The following SNRNP40 variants were observed in gnomAD, a reference collection of about 807,000 sequenced individuals.
SNRNP40 encodes U5 small nuclear ribonucleoprotein 40 kDa protein.
A neutral mutation model predicts 45.8 loss-of-function variants in SNRNP40; 21 were observed. The ratio of observed to expected loss-of-function variants is 0.46; its 90% confidence interval spans 0.32 to 0.66. The LOEUF (loss-of-function observed/expected upper bound fraction) is 0.66. Among genes scored for constraint, SNRNP40 ranks in the 30% least tolerant of loss-of-function variants. The pLI is 0.03. For synonymous variants in SNRNP40, 142 were observed against 163.8 expected (o/e 0.87, Z 1.01); for missense variants, 344 against 439.1 (o/e 0.78, Z 1.94).
chr1:31,268,969 A>G (rs3737756), intron 7 of SNRNP40, among the ~76,000 whole-genome samples, 189 bp downstream of exon 7: 118,067 of 152,122 alleles, frequency 0.78, 46,190 homozygotes, highest in African/African-American at 0.81. Context: ...TTTGGGCTAT[A>G]TGACTGGCTT....
chr1:31,289,317 G>A lies in SNRNP40; in HGVS notation c.468C>T (p.Ser156=). 1 of 1,614,014 alleles carries A rather than the reference G, an allele frequency of 6.2e-7. No homozygotes were observed. The highest frequency in any genetic ancestry group is 8.5e-7 in the Non-Finnish European group (1 of 1,179,886). The change falls in exon 4 of 10, where the codon TCC becomes TCT. Residue 156 remains serine, a synonymous_variant. Transcript: ENST00000263694. ...GAGGGCCTCTCCTGGCTGGATAACA[G>A]GAATTCACAAAGGAAGTATGTCCCT... ...RLKGHTSFVN[S]CYPARRGPQL...
intron 6 of SNRNP40, 168 bp from the exon 7 acceptor site, chr1:31,269,408 C>A: frequency 7.3e-7 from 1 of 1,375,500 alleles, no homozygotes; most frequent in South Asian, 1.8e-5. Context: ...TTTTCTTTTT[C>A]AAGCAGGAAA....
At chr1:31,293,116 T>C (rs1646118368) in intron 2 of SNRNP40, 103 bp downstream of exon 2, 4 of 1,273,824 alleles carry the variant, frequency 3.1e-6, no homozygotes, top group Admixed American at 2.0e-5. Context: ...CAGCCTGTTA[T>C]GTTGCCAACA....
chr1:31,287,634 A>T lies in SNRNP40; in HGVS notation c.531+1620T>A, dbSNP rs1646068828. Among the ~76,000 whole-genome samples, 3 of 152,306 alleles carry T rather than the reference A, an allele frequency of 2.0e-5. No homozygotes were observed. The South Asian group carries it at 6.2e-4, about 32-fold the overall frequency. ...GAGCTCTGGTTTAGAAACCAATCTT[A>T]AACAACAGACTCTCCTCCCATCCAA... On this transcript the variant is annotated intron_variant, in intron 4 of 9. Coordinates refer to ENST00000263694, the MANE Select transcript of SNRNP40 (RefSeq NM_004814.3).
chr1:31,261,449 C>T, intron 9 of SNRNP40, 80 bp downstream of exon 9: 1 of 889,532 alleles, frequency 1.1e-6, no homozygotes, highest in Middle Eastern at 3.1e-4. Context: ...AAAACAGATA[C>T]CCGCTTTTGA....
At chr1:31,296,120 GA>G (rs1646153055) in intron 1 of SNRNP40, among the ~76,000 whole-genome samples, 1 of 152,130 alleles carries the variant, frequency 6.6e-6, no homozygotes, top group African/African-American at 2.4e-5. Flanking sequence ...TTTCATATAC[GA>G]AACACTTTAG....
rs1425698103 is a variant in SNRNP40 at position 31,279,933 on chromosome 1, C to T, written c.654+1441G>A. On this transcript the variant is annotated intron_variant, in intron 5 of 9. Transcript: ENST00000263694. Reference sequence around the variant, plus strand: ...ATAAGCCTGCCCAACATGGTGAAACCCTGTCTCTACTAAAAAATACAAAAA... The same window carrying T: ...ATAAGCCTGCCCAACATGGTGAAACTCTGTCTCTACTAAAAAATACAAAAA... Among the ~76,000 whole-genome samples, 3 of 150,118 alleles carry T rather than the reference C, an allele frequency of 2.0e-5. No homozygotes were observed. In the South Asian group the frequency reaches 6.4e-4, roughly 32 times the overall value.
Position 31,286,685 on chromosome 1 carries a change from T to C in SNRNP40, c.531+2569A>G, listed in dbSNP as rs796883340. Among the ~76,000 whole-genome samples the C allele has an allele frequency of 3.9e-5, 6 of 152,198 alleles. No individual in the cohort carries two copies. In the South Asian group the frequency reaches 1.2e-3, roughly 31 times the overall value. On this transcript the variant is annotated intron_variant, in intron 4 of 9. Transcript: ENST00000263694. Reference sequence around the variant, plus strand: ...CCCCATTAGGGCACTGTTGGGCTGCTGCCCCTCCCTCACCCTCAAATTCCC... The same window carrying C: ...CCCCATTAGGGCACTGTTGGGCTGCCGCCCCTCCCTCACCCTCAAATTCCC...
At chr1:31,286,866 A>G (rs763388096) in intron 4 of SNRNP40, among the ~76,000 whole-genome samples, 101 of 152,250 alleles carry the variant, frequency 6.6e-4, no homozygotes, top group Non-Finnish European at 9.3e-4. Flanking sequence ...TAACTAGAGC[A>G]CCTTCCCTGC....
At chr1:31,292,758 A>G (rs1646116403) in intron 2 of SNRNP40, 1 of 153,736 alleles carries the variant, frequency 6.5e-6, no homozygotes, top group African/African-American at 2.4e-5. Context: ...CTGGTAGTAG[A>G]TCCTAATGAT....
intron 3 of SNRNP40, among the ~76,000 whole-genome samples, chr1:31,290,856 C>T (rs554025251): frequency 1.3e-4 from 19 of 150,594 alleles, no homozygotes; most frequent in African/African-American, 3.7e-4. Flanking sequence ...CCAGACTGGG[C>T]GACAGAGCAA....
At chr1:31,285,119 C>A (rs571793168) in intron 4 of SNRNP40, among the ~76,000 whole-genome samples, 23 of 152,230 alleles carry the variant, frequency 1.5e-4, no homozygotes, top group African/African-American at 5.5e-4. Flanking sequence ...CAGATAACTA[C>A]CACTTTTAAT....
intron 5 of SNRNP40, among the ~76,000 whole-genome samples, chr1:31,279,642 G>A (rs560039296): frequency 1.3e-4 from 20 of 152,158 alleles, no homozygotes; most frequent in African/African-American, 4.3e-4. Context: ...AGCTACTCAG[G>A]AGGCTGAGGC....
intron 8 of SNRNP40, among the ~76,000 whole-genome samples, chr1:31,265,201 T>C (rs571049531): frequency 9.9e-5 from 15 of 152,140 alleles, no homozygotes; most frequent in Non-Finnish European, 1.6e-4. Flanking sequence ...TGCAGCTCAC[T>C]ATATCCTCAA....
At chr1:31,295,597 C>T (rs1382593142) in intron 1 of SNRNP40, among the ~76,000 whole-genome samples, 1 of 152,046 alleles carries the variant, frequency 6.6e-6, no homozygotes, top group Non-Finnish European at 1.5e-5. Context: ...AGAAATTGGT[C>T]AGAGAGGTAA....
Position 31,288,953 on chromosome 1 carries a change from G to C in SNRNP40, c.531+301C>G, listed in dbSNP as rs577421979. 4.6e-5 allele frequency among the ~76,000 whole-genome samples: 7 copies of C among 152,260 alleles called. No individual in the cohort carries two copies. The South Asian group carries it at 1.4e-3, about 32-fold the overall frequency. ...TCACCGTGTTAGCCAGGATGGTCTT[G>C]ATCTCTTGACCTCGTGATCCACCCG... On this transcript the variant is annotated intron_variant, in intron 4 of 9. Coordinates refer to ENST00000263694, the MANE Select transcript of SNRNP40 (RefSeq NM_004814.3).
At chr1:31,283,045 C>T (rs752585517) in intron 4 of SNRNP40, among the ~76,000 whole-genome samples, 51 of 152,184 alleles carry the variant, frequency 3.4e-4, no homozygotes, top group Non-Finnish European at 5.6e-4. Flanking sequence ...CTGAGAAGGC[C>T]GTAAGCTCTC....
intron 1 of SNRNP40, among the ~76,000 whole-genome samples, chr1:31,295,260 G>T (rs145895120): frequency 1.3e-5 from 2 of 152,138 alleles, no homozygotes; most frequent in Non-Finnish European, 2.9e-5. Flanking sequence ...CTACTCAGGA[G>T]GCTGAGGCAG....
rs371397032 is a variant in SNRNP40, at chr1:31,264,032, T to C, written c.921-2400A>G. Among the ~76,000 whole-genome samples the C allele has an allele frequency of 7.0e-4, 106 of 152,072 alleles. 2 individuals carry two copies. In the South Asian group the frequency reaches 0.014, roughly 20 times the overall value. The stretch of plus-strand genomic sequence containing the variant: ...TGTAAAATTCATCTGTTGGTAAATA[T>C]AAAGGGCTGGTAGTTTTGAAGCAGG... On this transcript the variant is annotated intron_variant, in intron 8 of 9. Coordinates refer to ENST00000263694, the MANE Select transcript of SNRNP40 (RefSeq NM_004814.3).
Sources: gnomAD v4.1 joint callset for allele counts (sites outside exome capture counted in the v4.1 genomes callset) on GRCh38, gnomAD v4.1.1 for gene constraint, MANE v1.5 for transcripts, NCBI Gene and HGNC (gene_info 2026-07-23, HGNC 2026-07-21) for gene names.